Variants in PCNX1 observed in about 807,000 individuals in gnomAD.
The protein encoded by PCNX1 is pecanex-like protein 1.
PCNX1 carries 78 observed loss-of-function variants against 242.2 expected under a neutral mutation model. The ratio of observed to expected loss-of-function variants is 0.32; its 90% CI spans 0.27 to 0.39. PCNX1 has a LOEUF of 0.39. PCNX1 is among the 10% of genes least tolerant of loss of function. The probability of loss-of-function intolerance (pLI) is 1.00; values close to 1 mark genes in which losing one functional copy is unlikely to be tolerated. For synonymous variants in PCNX1, 1,024 were observed against 1,032.9 expected (o/e 0.99, Z 0.17); for missense variants, 2,581 against 2,856.5 (o/e 0.90, Z 2.20).
Position 71,031,166 on chromosome 14 carries a change from A to G in PCNX1, c.3559-2263A>G, listed in dbSNP as rs75681243. ...GAGCTGCTACACTGCACATGTACATATCTGCGAATTAAAATGTGCAAATGT... is the reference window on the plus strand; with the variant it reads ...GAGCTGCTACACTGCACATGTACATGTCTGCGAATTAAAATGTGCAAATGT... On this transcript the variant is annotated intron_variant, in intron 16 of 35. Coordinates refer to ENST00000304743, the MANE Select transcript of PCNX1 (RefSeq NM_014982.3). 9.0e-3 allele frequency among the ~76,000 whole-genome samples: 1,369 copies of G among 152,330 alleles called. 10 individuals are homozygous for G. Among genetic ancestry groups the G allele is most frequent in the Non-Finnish European group, 0.012 (845 of 68,034 alleles).
At chr14:71,011,597 C>A (rs1167406011) in intron 10 of PCNX1, 48 bp downstream of exon 10, 2 of 1,066,574 alleles carry the variant, frequency 1.9e-6, no homozygotes, top group African/African-American at 1.6e-5. Context: ...CAGATTAAAT[C>A]TGAAATATGT....
intron 5 of PCNX1, among the ~76,000 whole-genome samples, chr14:70,974,579 T>A (rs532987679): frequency 6.6e-6 from 1 of 152,228 alleles, no homozygotes. Context: ...TTAAGAACTT[T>A]TATAATAAGG....
chr14:71,012,838 AGTGTATGAGAGAAG>A, intron 10 of PCNX1, 133 bp from the exon 11 acceptor site: 15 of 613,920 alleles, frequency 2.4e-5, no homozygotes, highest in South Asian at 6.2e-5. Flanking sequence ...AAAAAAAAAA[AGTGTATGAGAGAAG>A]AAAATTAAAG....
intron 28 of PCNX1, among the ~76,000 whole-genome samples, chr14:71,080,356 G>T (rs1250559497): frequency 1.3e-5 from 2 of 152,112 alleles, no homozygotes; most frequent in African/African-American, 4.8e-5. Context: ...GGCTATGCGG[G>T]CTCTTTTTTG....
chr14:70,978,067 A>G lies in PCNX1; in HGVS notation c.1730A>G (p.His577Arg), dbSNP rs1885997702. ...KRASSFDSSR[H>R]RDYVCFRGVS... ...GCTAGCAGTTTTGATTCAAGCCGGC[A>G]TAGGGACTATGTTTGCTTTCGAGGT... is the stretch of plus-strand genomic sequence containing the variant. Residue 577 changes from histidine to arginine, a missense_variant, in exon 6 of 36, where the codon CAT becomes CGT. Physicochemically the swap from His to Arg is conservative, Grantham distance 29 (BLOSUM62 0). This residue lies in a region of PCNX1 where 1,204 missense variants were observed against 1,216.7 expected (regional missense o/e 0.99). Transcript: ENST00000304743. 1.9e-6 allele frequency: 3 copies of G among 1,614,048 alleles called. No individual in the cohort carries two copies. Among genetic ancestry groups the G allele is most frequent in the South Asian group, 2.2e-5 (2 of 91,086 alleles).
Position 70,977,118 on chromosome 14 carries a change from A to C in PCNX1, c.781A>C (p.Thr261Pro). ...TCAGTCTCTGTCCAGCGCCTGTGAC[A>C]CAGAAGTAGCTTCTCTTGTACCTTT... Reference protein sequence around the residue: ...VDQSLSSACDTEVASLVPLHS... With the variant: ...VDQSLSSACDPEVASLVPLHS... Residue 261 changes from threonine (T) to proline (P), a missense_variant, in exon 6 of 36, where the codon ACA becomes CCA. Transcript: ENST00000304743. 1 of 1,614,202 alleles carries C rather than the reference A, an allele frequency of 6.2e-7. No individual in the cohort carries two copies. The highest frequency in any genetic ancestry group is 8.5e-7 in the Non-Finnish European group (1 of 1,180,036).
intron 26 of PCNX1, among the ~76,000 whole-genome samples, chr14:71,068,409 T>C (rs1441012759): frequency 6.7e-6 from 1 of 149,376 alleles, no homozygotes; most frequent in Non-Finnish European, 1.5e-5. Flanking sequence ...TACGTATATA[T>C]ATGTATTTAT....
chr14:70,956,712 A>G (rs1439638128), intron 2 of PCNX1, among the ~76,000 whole-genome samples: 1 of 152,134 alleles, frequency 6.6e-6, no homozygotes, highest in Non-Finnish European at 1.5e-5. Context: ...AGATATGATA[A>G]CTTATTTGCA....
intron 28 of PCNX1, among the ~76,000 whole-genome samples, chr14:71,085,158 C>G (rs2061953454): frequency 6.6e-6 from 1 of 152,182 alleles, no homozygotes; most frequent in Non-Finnish European, 1.5e-5. Context: ...TCGGCTTGCC[C>G]TCTGTGGGCT....
At chr14:70,970,880 C>T (rs925516649) in intron 5 of PCNX1, among the ~76,000 whole-genome samples, 18 of 152,232 alleles carry the variant, frequency 1.2e-4, no homozygotes, top group African/African-American at 4.1e-4. Context: ...GTTTGTCAAC[C>T]CCTGGTTTAA....
rs35068772 is a variant in PCNX1 at position 70,994,396 on chromosome 14, G to GATATATATAT, written c.2445-1320_2445-1311dup. ...TCTATTATCATAACCACAGGCTTAA[G>GATATATATAT]ATATATATATATATATATATATATA... On this transcript the variant is annotated intron_variant, in intron 7 of 35. Coordinates refer to ENST00000304743, the MANE Select transcript of PCNX1 (RefSeq NM_014982.3). Among the ~76,000 whole-genome samples, 946 of 96,786 alleles carry GATATATATAT rather than the reference G, an allele frequency of 9.8e-3. 25 individuals carry two copies. Among genetic ancestry groups the GATATATATAT allele is most frequent in the South Asian group, 0.015 (36 of 2,408 alleles). The allele number at this position is 96,786 out of a possible 152,430, so 63.5% of individuals were successfully genotyped here. A position where few individuals can be genotyped will look rare whatever the true frequency, so the allele number is the denominator to read the frequency against.
At chr14:71,015,177 A>AC (rs1266515339) in intron 11 of PCNX1, among the ~76,000 whole-genome samples, 1 of 152,194 alleles carries the variant, frequency 6.6e-6, no homozygotes, top group East Asian at 1.9e-4. Context: ...TTATGAGCAG[A>AC]CCCACACTAC....
intron 30 of PCNX1, among the ~76,000 whole-genome samples, chr14:71,100,373 A>G (rs1168417352): frequency 6.6e-6 from 1 of 152,228 alleles, no homozygotes; most frequent in African/African-American, 2.4e-5. Flanking sequence ...TTGGCAGGAT[A>G]TGAAATTCTT....
chr14:70,981,150 T>G (rs1007650280), intron 6 of PCNX1, among the ~76,000 whole-genome samples: 3 of 152,148 alleles, frequency 2.0e-5, no homozygotes, highest in African/African-American at 7.2e-5. Flanking sequence ...ATGATTATAG[T>G]ATCTATCTCA....
chr14:71,055,654 C>T (rs1301369128), intron 25 of PCNX1, 92 bp downstream of exon 25: 2 of 672,598 alleles, frequency 3.0e-6, no homozygotes, highest in Non-Finnish European at 2.5e-6. Context: ...TGGGAATCCT[C>T]TATGAATCCC....
At chr14:71,073,887 T>A in intron 27 of PCNX1, 89 bp downstream of exon 27, 1 of 858,860 alleles carries the variant, frequency 1.2e-6, no homozygotes, top group Non-Finnish European at 1.6e-6. Context: ...GTATATACTT[T>A]TTTTTAACGT....
In PCNX1 at chr14:71,047,005, C is replaced by T. The variant is rs1156630752; in HGVS notation, c.4060C>T (p.Leu1354Phe). 3.1e-6 allele frequency: 5 copies of T among 1,610,432 alleles called. No homozygotes were observed. Among genetic ancestry groups the T allele is most frequent in the Admixed American group, 1.7e-5 (1 of 59,968 alleles). Residue 1354 changes from leucine to phenylalanine, a missense_variant, in exon 21 of 36, where the codon CTT becomes TTT. Around this residue, in one of 9 missense-constraint regions of PCNX1, gnomAD observed 432 missense variants for 443.1 expected, o/e 0.97. Transcript: ENST00000304743. The part of the protein sequence containing the change: ...MMWFEKLHVW[L>F]LFVEKNIIYP... ...GTGGTTTGAGAAACTTCATGTGTGG[C>T]TTCTTTTTGTGGAGAAGAATATAAT...
rs1050603009 is a variant in PCNX1 at position 70,958,139 on chromosome 14, A to G, written c.363-4087A>G. Among the ~76,000 whole-genome samples the G allele has an allele frequency of 1.5e-4, 23 of 152,202 alleles. 1 individual carries two copies. Among genetic ancestry groups the G allele is most frequent in the Non-Finnish European group, 5.9e-5 (4 of 68,038 alleles). On this transcript the variant is annotated intron_variant, in intron 2 of 35. Transcript: ENST00000304743. ...CAGCTTATAAACATGAACATGTTCT[A>G]CATTTCTCACACATGAGTATTTGTA...
At chr14:71,109,268 A>G (rs1458669571) in intron 34 of PCNX1, among the ~76,000 whole-genome samples, 184 bp from the exon 35 acceptor site, 1 of 152,218 alleles carries the variant, frequency 6.6e-6, no homozygotes, top group Admixed American at 6.5e-5. Flanking sequence ...TCTCATGGAC[A>G]TTGCAGTGAG....
Sources: allele counts gnomAD v4.1 joint callset (sites outside exome capture counted in the v4.1 genomes callset), GRCh38; gene constraint gnomAD v4.1.1; regional missense constraint gnomAD v4.1.1; transcripts MANE v1.5; gene names NCBI Gene and HGNC (gene_info 2026-07-23, HGNC 2026-07-21).